Variants in GPM6A observed in about 807,000 individuals in gnomAD.
GPM6A encodes the protein neuronal membrane glycoprotein M6-a.
GPM6A carries 7 observed loss-of-function variants against 32.1 expected under a neutral mutation model. That is an observed-to-expected ratio of 0.22 (90% CI 0.12 to 0.41). The LOEUF (loss-of-function observed/expected upper bound fraction) is 0.41, where lower values mean the gene tolerates loss of function less well. GPM6A is among the 10% of genes least tolerant of loss of function. GPM6A has a pLI of 1.00. For synonymous variants in GPM6A, 130 were observed against 123.4 expected (o/e 1.05, Z -0.35); for missense variants, 235 against 347.2 (o/e 0.68, Z 2.57).
chr4:175,867,337 T>A (rs191203947), intron 1 of GPM6A, among the ~76,000 whole-genome samples: 1 of 152,276 alleles, frequency 6.6e-6, no homozygotes, highest in East Asian at 1.9e-4. Context: ...ATACCCAAGG[T>A]AATCTAGTTT....
intron 1 of GPM6A, among the ~76,000 whole-genome samples, chr4:175,867,617 A>G (rs944855267): frequency 6.6e-6 from 1 of 152,150 alleles, no homozygotes; most frequent in Non-Finnish European, 1.5e-5. Context: ...ATTTGTTGCC[A>G]TTGATCTATT....
chr4:175,827,572 C>A (rs1436227852), intron 1 of GPM6A, among the ~76,000 whole-genome samples: 1 of 152,164 alleles, frequency 6.6e-6, no homozygotes, highest in Non-Finnish European at 1.5e-5. Flanking sequence ...GGAAAGGGTG[C>A]AAACCAATTA....
intron 1 of GPM6A, among the ~76,000 whole-genome samples, chr4:175,763,286 A>G (rs937025239): frequency 1.3e-5 from 2 of 152,182 alleles, no homozygotes; most frequent in South Asian, 4.1e-4. Flanking sequence ...TGCTGGGATT[A>G]CAGGCATGAG....
chr4:175,749,645 T>G (rs1472324), intron 1 of GPM6A, among the ~76,000 whole-genome samples: 52,992 of 152,026 alleles, frequency 0.35, 9,720 homozygotes, highest in East Asian at 0.63. Flanking sequence ...GGGTATAACT[T>G]TATATCTTGA....
chr4:175,750,961 GA>G (rs2111188696), intron 1 of GPM6A, among the ~76,000 whole-genome samples: 1 of 152,210 alleles, frequency 6.6e-6, no homozygotes, highest in South Asian at 2.1e-4. Flanking sequence ...AATCTTCAGG[GA>G]AATTCGTTTA....
upstream of GPM6A, among the ~76,000 whole-genome samples, chr4:175,815,955 G>T (rs1735086975): frequency 6.6e-6 from 1 of 152,056 alleles, no homozygotes; most frequent in Non-Finnish European, 1.5e-5. Context: ...AACCTCAGGT[G>T]ATCCGCCTAC....
At chr4:175,952,697 G>A (rs1181532059) in intron 1 of GPM6A, among the ~76,000 whole-genome samples, 6 of 151,986 alleles carry the variant, frequency 3.9e-5, no homozygotes, top group Non-Finnish European at 8.8e-5. Context: ...AATAGATAAT[G>A]AGCCATCCTG....
chr4:175,701,335 A>C (rs2111063901), intron 2 of GPM6A, among the ~76,000 whole-genome samples: 1 of 152,272 alleles, frequency 6.6e-6, no homozygotes, highest in African/African-American at 2.4e-5. Flanking sequence ...TTCGAATACA[A>C]CTTTACATTT....
At chr4:175,717,956 T>C (rs1288439355) in intron 1 of GPM6A, among the ~76,000 whole-genome samples, 7 of 152,200 alleles carry the variant, frequency 4.6e-5, no homozygotes, top group Non-Finnish European at 1.0e-4. Flanking sequence ...TTAAACAGTA[T>C]ATAAAATTTT....
At chr4:175,876,218 G>A (rs1435098323) in intron 1 of GPM6A, among the ~76,000 whole-genome samples, 1 of 152,092 alleles carries the variant, frequency 6.6e-6, no homozygotes, top group Non-Finnish European at 1.5e-5. Context: ...TAAGAGGAGT[G>A]TGGTGACAAT....
At chr4:175,690,749 C>T (rs1744250998) in intron 2 of GPM6A, among the ~76,000 whole-genome samples, 1 of 152,168 alleles carries the variant, frequency 6.6e-6, no homozygotes, top group Admixed American at 6.5e-5. Context: ...GGAGGATCTG[C>T]TCACCTCAGG....
chr4:175,699,560 T>C (rs1744758518), intron 2 of GPM6A, among the ~76,000 whole-genome samples: 1 of 152,184 alleles, frequency 6.6e-6, no homozygotes, highest in Non-Finnish European at 1.5e-5. Context: ...TCTCACTTGA[T>C]ACTACAGAGT....
chr4:175,725,507 G>A (rs1746360476), intron 1 of GPM6A, among the ~76,000 whole-genome samples: 1 of 151,926 alleles, frequency 6.6e-6, no homozygotes, highest in Non-Finnish European at 1.5e-5. Flanking sequence ...TGCCCAGCCT[G>A]GTCTAGAACT....
At chr4:175,912,040 A>C (rs1414860361) in intron 1 of GPM6A, among the ~76,000 whole-genome samples, 1 of 152,310 alleles carries the variant, frequency 6.6e-6, no homozygotes, top group East Asian at 1.9e-4. Context: ...AGATGATACC[A>C]TGCAGAAACA....
intron 1 of GPM6A, among the ~76,000 whole-genome samples, chr4:175,965,615 T>TC (rs201487992): frequency 2.8e-4 from 35 of 124,538 alleles, no homozygotes; most frequent in African/African-American, 6.9e-4. Context: ...TATTTCTCTC[T>TC]TTTTTTTTTT....
intron 1 of GPM6A, among the ~76,000 whole-genome samples, chr4:175,763,978 A>G (rs955023011): frequency 3.3e-5 from 5 of 152,214 alleles, no homozygotes; most frequent in Non-Finnish European, 5.9e-5. Flanking sequence ...AAGTAACAAG[A>G]TCAAATAAAA....
chr4:175,748,142 T>C (rs574060311), intron 1 of GPM6A, among the ~76,000 whole-genome samples: 1 of 152,290 alleles, frequency 6.6e-6, no homozygotes, highest in African/African-American at 2.4e-5. Flanking sequence ...ACTGAAGTCT[T>C]GAACCCCTCA....
rs548438916 is a variant in GPM6A, at chr4:175,696,794, T to C, written c.230+4781A>G. On this transcript the variant is annotated intron_variant, in intron 2 of 6. Transcript: ENST00000393658. ...CTATTAATTCACAGTTTTCCCTTCT[T>C]ACACTCATCCATTAAGCTGCTAACA... is the stretch of plus-strand genomic sequence containing the variant. Among the ~76,000 whole-genome samples, 35 of 152,294 alleles carry C rather than the reference T, an allele frequency of 2.3e-4. No individual in the cohort carries two copies. In the South Asian group the frequency reaches 7.3e-3, roughly 32 times the overall value.
At chr4:175,741,106 C>T (rs763944889) in intron 1 of GPM6A, among the ~76,000 whole-genome samples, 2 of 152,032 alleles carry the variant, frequency 1.3e-5, no homozygotes, top group African/African-American at 2.4e-5. Context: ...TATTCACAGG[C>T]ACCTCAAATT....
Sources: gnomAD v4.1 joint callset for allele counts (sites outside exome capture counted in the v4.1 genomes callset) on GRCh38, gnomAD v4.1.1 for gene constraint, MANE v1.5 for transcripts, NCBI Gene and HGNC (gene_info 2026-07-23, HGNC 2026-07-21) for gene names.